The following ZSWIM5 variants were observed in gnomAD, a reference collection of about 807,000 sequenced individuals.
ZSWIM5 encodes the protein zinc finger SWIM-type containing 5.
A neutral mutation model predicts 119.6 loss-of-function variants in ZSWIM5; 55 were observed. That is an observed-to-expected ratio of 0.46 (90% CI 0.37 to 0.58). The LOEUF is 0.58. Among genes scored for constraint, ZSWIM5 ranks in the 20% least tolerant of loss-of-function variants. The pLI is 0.00. For missense variants in ZSWIM5, 1,193 were observed against 1,512.8 expected (o/e 0.79, Z 3.51); for synonymous variants, 537 against 606.9 (o/e 0.88, Z 1.69).
intron 2 of ZSWIM5, among the ~76,000 whole-genome samples, chr1:45,080,853 C>T (rs1645285626): frequency 6.6e-6 from 1 of 152,074 alleles, no homozygotes; most frequent in African/African-American, 2.4e-5. Context: ...GTGCTGGAGG[C>T]AGAGCTGGAA....
intron 1 of ZSWIM5, among the ~76,000 whole-genome samples, chr1:45,137,756 A>G (rs766796845): frequency 6.6e-6 from 1 of 152,226 alleles, no homozygotes; most frequent in Non-Finnish European, 1.5e-5. Flanking sequence ...TTAGAGCAGT[A>G]ACACAGGGAA....
At chr1:45,160,708 G>GT (rs1645858289) in intron 1 of ZSWIM5, among the ~76,000 whole-genome samples, 1 of 151,558 alleles carries the variant, frequency 6.6e-6, no homozygotes, top group African/African-American at 2.4e-5. Context: ...AGGCTGGACG[G>GT]TAATGGCATG....
Position 45,019,688 on chromosome 1 carries a change from T to C in ZSWIM5, c.2696-372A>G, listed in dbSNP as rs1644875592. ...AGTCTTGTGCTGGGGCTTTGGGCTT[T>C]AGAAAGGGTCCTGAGCCTCTAAGTT... On this transcript the variant is annotated intron_variant, in intron 13 of 13. Transcript: ENST00000359600. This position sits in a 1 kb window ranked among gnomAD's most constrained non-coding sequence, Gnocchi z 5.0. Among the ~76,000 whole-genome samples the C allele has an allele frequency of 6.6e-6, 1 of 152,164 alleles. No individual in the cohort carries two copies. Among genetic ancestry groups the C allele is most frequent in the South Asian group, 2.1e-4 (1 of 4,830 alleles).
chr1:45,139,323 G>A (rs902397664), intron 1 of ZSWIM5, among the ~76,000 whole-genome samples: 2 of 151,792 alleles, frequency 1.3e-5, no homozygotes, highest in African/African-American at 2.4e-5. Flanking sequence ...TGGGACTACA[G>A]ACGCCTGCTA....
chr1:45,049,965 C>T (rs1645080096), intron 5 of ZSWIM5, among the ~76,000 whole-genome samples: 1 of 152,162 alleles, frequency 6.6e-6, no homozygotes, highest in African/African-American at 2.4e-5. Flanking sequence ...CTTAAATATA[C>T]TGACAACTAA....
At chr1:45,052,308 G>A (rs976869186) in intron 4 of ZSWIM5, among the ~76,000 whole-genome samples, 9 of 152,124 alleles carry the variant, frequency 5.9e-5, no homozygotes, top group Non-Finnish European at 8.8e-5. Flanking sequence ...TTACAGGCGT[G>A]AGCCACCATG....
chr1:45,145,943 G>A (rs1056566889), intron 1 of ZSWIM5, among the ~76,000 whole-genome samples: 2 of 152,152 alleles, frequency 1.3e-5, no homozygotes, highest in Non-Finnish European at 2.9e-5. Context: ...GCCTCATGAA[G>A]AAAATGAATC....
intron 11 of ZSWIM5, among the ~76,000 whole-genome samples, chr1:45,027,868 T>C (rs1644929818): frequency 6.6e-6 from 1 of 152,040 alleles, no homozygotes; most frequent in South Asian, 2.1e-4. Flanking sequence ...TTCTTTCTTT[T>C]TGAGATGGAG....
At chr1:45,196,894 G>GT (rs1646129019) in intron 1 of ZSWIM5, among the ~76,000 whole-genome samples, 1 of 152,126 alleles carries the variant, frequency 6.6e-6, no homozygotes, top group South Asian at 2.1e-4. Context: ...ATCCTGAGTG[G>GT]TTAACTGGGC....
chr1:45,070,341 G>A, intron 2 of ZSWIM5: 1 of 1,410,038 alleles, frequency 7.1e-7, no homozygotes, highest in South Asian at 1.2e-5. Context: ...CACAGTCATG[G>A]CCAACGGCAT....
At chr1:45,171,793 A>G (rs1219832730) in intron 1 of ZSWIM5, among the ~76,000 whole-genome samples, 7 of 152,114 alleles carry the variant, frequency 4.6e-5, no homozygotes, top group African/African-American at 1.4e-4. Context: ...AACTCAACGA[A>G]TACACTTTAA....
chr1:45,114,572 A>G (rs1645536358), intron 1 of ZSWIM5, among the ~76,000 whole-genome samples: 1 of 152,162 alleles, frequency 6.6e-6, no homozygotes, highest in Non-Finnish European at 1.5e-5. Context: ...GATAGAAAAA[A>G]TAATATATAG....
At position 45,174,012 on chromosome 1, in the gene ZSWIM5, C is replaced by T. The variant is rs113041234; in HGVS notation, c.595+31744G>A. On this transcript the variant is annotated intron_variant, in intron 1 of 13. Transcript: ENST00000359600. The stretch of plus-strand genomic sequence containing the variant: ...CATGAAGGCTGGGTGCAGTGGCTCA[C>T]GACTGTAATGCCAGCACTTTGGGAG... Among the ~76,000 whole-genome samples, 1,396 of 152,202 alleles carry T rather than the reference C, an allele frequency of 9.2e-3. 32 individuals carry two copies. The highest frequency in any genetic ancestry group is 0.032 in the African/African-American group (1,338 of 41,544).
intron 1 of ZSWIM5, among the ~76,000 whole-genome samples, chr1:45,120,594 A>T (rs1000316283): frequency 2.7e-5 from 4 of 150,860 alleles, no homozygotes; most frequent in African/African-American, 9.8e-5. Flanking sequence ...ATCCTTCCTG[A>T]GTAGCTGGGA....
intron 5 of ZSWIM5, among the ~76,000 whole-genome samples, chr1:45,050,398 T>C (rs1448248058): frequency 6.6e-6 from 1 of 152,108 alleles, no homozygotes; most frequent in African/African-American, 2.4e-5. Flanking sequence ...AAAATCAGTG[T>C]CTGATAAAAT....
intron 1 of ZSWIM5, among the ~76,000 whole-genome samples, chr1:45,106,899 A>G (rs1411759203): frequency 1.3e-5 from 2 of 152,222 alleles, no homozygotes; most frequent in African/African-American, 4.8e-5. Context: ...GGATGCTGTT[A>G]ATCTATAACC....
intron 1 of ZSWIM5, among the ~76,000 whole-genome samples, chr1:45,141,942 T>G (rs1460790215): frequency 6.6e-6 from 1 of 152,162 alleles, no homozygotes; most frequent in Non-Finnish European, 1.5e-5. Flanking sequence ...TTTTGTGTGT[T>G]CAAAGTCTGC....
At chr1:45,046,955 C>G (rs971664498) in intron 5 of ZSWIM5, among the ~76,000 whole-genome samples, 1 of 141,106 alleles carries the variant, frequency 7.1e-6, no homozygotes, top group African/African-American at 2.7e-5. Flanking sequence ...ACCTGGGAGG[C>G]AGAGGTTGTG....
intron 1 of ZSWIM5, among the ~76,000 whole-genome samples, chr1:45,142,236 T>G (rs1645731846): frequency 6.6e-6 from 1 of 152,150 alleles, no homozygotes; most frequent in African/African-American, 2.4e-5. Context: ...TAAAAAGAAT[T>G]ATTAGAGATA....
Sources: gnomAD v4.1 joint callset for allele counts (sites outside exome capture counted in the v4.1 genomes callset) on GRCh38, gnomAD v4.1.1 for gene constraint, Gnocchi (gnomAD v3.1) non-coding constraint, MANE v1.5 for transcripts, NCBI Gene and HGNC (gene_info 2026-07-23, HGNC 2026-07-21) for gene names.